TTLL11: variants seen among roughly 807,000 people sequenced by gnomAD.
TTLL11 encodes the protein tubulin polyglutamylase TTLL11.
In TTLL11, 42 loss-of-function variants were observed where a neutral mutation model predicts 51.7. The observed-to-expected ratio is 0.81, with a 90% CI of 0.64 to 1.05. The LOEUF (loss-of-function observed/expected upper bound fraction) is 1.05. Ranked by LOEUF, TTLL11 falls within the 50% of genes least tolerant of loss-of-function variation. The pLI is 0.00. For missense variants in TTLL11, 799 were observed against 940.4 expected (o/e 0.85, Z 1.97); for synonymous variants, 381 against 383.5 (o/e 0.99, Z 0.08).
chr9:121,875,017 A>C (rs532877246), intron 6 of TTLL11, among the ~76,000 whole-genome samples: 3 of 152,136 alleles, frequency 2.0e-5, no homozygotes, highest in African/African-American at 7.2e-5. Flanking sequence ...GGCTTTGGAG[A>C]TCACTCTGTC....
chr9:122,005,085 CG>C (rs1308139624), intron 3 of TTLL11, among the ~76,000 whole-genome samples: 1 of 152,162 alleles, frequency 6.6e-6, no homozygotes, highest in Non-Finnish European at 1.5e-5. Context: ...CAGGGAGAAA[CG>C]TGTCAACTCA....
intron 8 of TTLL11, among the ~76,000 whole-genome samples, chr9:121,839,688 A>G (rs1837292834): frequency 6.6e-6 from 1 of 152,114 alleles, no homozygotes; most frequent in South Asian, 2.1e-4. Context: ...AAGACGGGCA[A>G]ATTGGCCCTA....
At chr9:121,877,740 G>A (rs772161864) in intron 6 of TTLL11, among the ~76,000 whole-genome samples, 1 of 152,230 alleles carries the variant, frequency 6.6e-6, no homozygotes, top group Non-Finnish European at 1.5e-5. Flanking sequence ...TGAAGCAGGT[G>A]TTATTATTAA....
At chr9:122,091,191 T>C (rs1199391757) in intron 1 of TTLL11, among the ~76,000 whole-genome samples, 3 of 152,164 alleles carry the variant, frequency 2.0e-5, no homozygotes, top group Non-Finnish European at 4.4e-5. Flanking sequence ...ATAAGCTAAG[T>C]GGAGGCCCCA....
intron 4 of TTLL11, among the ~76,000 whole-genome samples, chr9:121,979,650 C>T (rs562731887): frequency 6.6e-6 from 1 of 152,266 alleles, no homozygotes; most frequent in South Asian, 2.1e-4. Context: ...CCACCTCTCA[C>T]TTTTCCTCTG....
intron 3 of TTLL11, among the ~76,000 whole-genome samples, chr9:122,007,503 G>C (rs552115276): frequency 1.4e-4 from 19 of 140,470 alleles, no homozygotes; most frequent in Admixed American, 1.4e-4. Flanking sequence ...AAAAAGAAAA[G>C]AAAAAAAAAA....
At chr9:121,837,456 C>T (rs77197296) in intron 8 of TTLL11, among the ~76,000 whole-genome samples, 1,988 of 152,144 alleles carry the variant, frequency 0.013, 52 homozygotes, top group African/African-American at 0.046. Context: ...AGGGCTTTTT[C>T]AGGGTGTTAG....
At chr9:121,897,489 G>C (rs536807302) in intron 6 of TTLL11, among the ~76,000 whole-genome samples, 4 of 151,964 alleles carry the variant, frequency 2.6e-5, no homozygotes, top group Admixed American at 2.0e-4. Context: ...TCATCTCTGC[G>C]ATGACTCCAG....
In TTLL11 at chr9:121,946,559, C is replaced by G. The variant is rs1841675586; in HGVS notation, c.1481+27450G>C. Among the ~76,000 whole-genome samples, 4 of 152,150 alleles carry G rather than the reference C, an allele frequency of 2.6e-5. No individual in the cohort carries two copies. The South Asian group carries it at 8.3e-4, about 32-fold the overall frequency. ...AAAGTTCTTGTGCAAAAAACAGTTACCAGGTTACCACACAGTACAACAGGC... is the reference window on the plus strand; with the variant it reads ...AAAGTTCTTGTGCAAAAAACAGTTAGCAGGTTACCACACAGTACAACAGGC... On this transcript the variant is annotated intron_variant, in intron 6 of 8. Coordinates refer to ENST00000321582, the MANE Select transcript of TTLL11 (RefSeq NM_001139442.2).
chr9:121,948,726 C>T (rs981530271), intron 6 of TTLL11, among the ~76,000 whole-genome samples: 4 of 152,176 alleles, frequency 2.6e-5, no homozygotes, highest in Non-Finnish European at 5.9e-5. Flanking sequence ...AAGCTGTGGT[C>T]CTAACTCTAG....
chr9:121,974,032 T>A lies in TTLL11; in HGVS notation c.1458A>T (p.Pro486=). The change falls in exon 6 of 9, where the codon CCA becomes CCT. Residue 486 remains proline (P), a synonymous_variant. Coordinates refer to ENST00000321582, the MANE Select transcript of TTLL11 (RefSeq NM_001139442.2). ...ACTGATTCTCTCTTTTCTTCTTAAGTGGGTCCATGAGGCGCAGAGTGTCTC... is the reference window on the plus strand; with the variant it reads ...ACTGATTCTCTCTTTTCTTCTTAAGAGGGTCCATGAGGCGCAGAGTGTCTC... ...VIRDTLRLMD[P]LKKKRENQSQ... The A allele has an allele frequency of 6.4e-7, 1 of 1,551,676 alleles. No individual in the cohort carries two copies. Among genetic ancestry groups the A allele is most frequent in the South Asian group, 1.2e-5 (1 of 84,056 alleles).
At chr9:121,835,440 A>T (rs1006507418) in intron 8 of TTLL11, among the ~76,000 whole-genome samples, 1 of 152,150 alleles carries the variant, frequency 6.6e-6, no homozygotes, top group Non-Finnish European at 1.5e-5. Context: ...CAAGGAAAAA[A>T]GCCTTGCTTC....
At chr9:121,903,317 C>G (rs538803086) in intron 6 of TTLL11, among the ~76,000 whole-genome samples, 61 of 152,270 alleles carry the variant, frequency 4.0e-4, no homozygotes, top group African/African-American at 1.3e-3. Flanking sequence ...GCTTTTTGCT[C>G]TTGGGTTTTT....
At chr9:121,832,976 G>A (rs1837069480) in intron 8 of TTLL11, among the ~76,000 whole-genome samples, 1 of 151,712 alleles carries the variant, frequency 6.6e-6, no homozygotes, top group African/African-American at 2.4e-5. Flanking sequence ...ACAAAAACTG[G>A]GGGGGAGTTT....
intron 6 of TTLL11, among the ~76,000 whole-genome samples, chr9:121,891,184 C>T (rs969619156): frequency 6.6e-5 from 10 of 152,182 alleles, no homozygotes; most frequent in Admixed American, 5.9e-4. Flanking sequence ...GGCAGGAAGA[C>T]CTTGCTCACA....
At chr9:121,837,283 C>G (rs1036462749) in intron 8 of TTLL11, among the ~76,000 whole-genome samples, 2 of 148,890 alleles carry the variant, frequency 1.3e-5, no homozygotes, top group Admixed American at 6.7e-5. Context: ...AATGAGCAAT[C>G]ATCTCTTTCC....
rs958485699 is a variant in TTLL11 at position 122,039,432 on chromosome 9, A to T, written c.463-64T>A. On this transcript the variant is annotated intron_variant, in intron 1 of 8. Coordinates refer to ENST00000321582, the MANE Select transcript of TTLL11 (RefSeq NM_001139442.2). ...AGAGCAGTGACCACACTGAGTATCCATTATGTACAAATTCCTGGCACCCTG... is the reference window on the plus strand; with the variant it reads ...AGAGCAGTGACCACACTGAGTATCCTTTATGTACAAATTCCTGGCACCCTG... 3 of 1,316,362 alleles carry T rather than the reference A, an allele frequency of 2.3e-6. No homozygotes were observed. In the African/African-American group the frequency reaches 4.4e-5, roughly 19 times the overall value. The allele number at this position is 1,316,362 out of a possible 1,614,324, so 81.5% of individuals were successfully genotyped here.
intron 7 of TTLL11, among the ~76,000 whole-genome samples, chr9:121,864,807 A>G (rs1838131496): frequency 6.6e-6 from 1 of 152,258 alleles, no homozygotes. Context: ...GTCCAAGTAT[A>G]GAAATATTTG....
intron 1 of TTLL11, among the ~76,000 whole-genome samples, chr9:122,075,587 T>C (rs2131903729): frequency 6.6e-6 from 1 of 152,344 alleles, no homozygotes; most frequent in East Asian, 1.9e-4. Context: ...GGAAGAAGTT[T>C]TCATAGCTGT....
Sources: gnomAD v4.1 joint callset for allele counts (sites outside exome capture counted in the v4.1 genomes callset) on GRCh38, gnomAD v4.1.1 for gene constraint, MANE v1.5 for transcripts, NCBI Gene and HGNC (gene_info 2026-07-23, HGNC 2026-07-21) for gene names.